GRB2: variants seen among roughly 807,000 people sequenced by gnomAD.
GRB2 encodes growth factor receptor bound protein 2.
GRB2 carries 2 observed loss-of-function variants against 27.4 expected under a neutral mutation model. That is an observed-to-expected ratio of 0.07 (90% CI 0.03 to 0.23). GRB2 has a LOEUF of 0.23. Ranked by LOEUF, GRB2 falls within the 10% of genes least tolerant of loss-of-function variation. The pLI is 1.00. For missense variants in GRB2, 102 were observed against 282.4 expected (o/e 0.36, Z 4.58); for synonymous variants, 94 against 99.6 (o/e 0.94, Z 0.33).
intron 2 of GRB2, among the ~76,000 whole-genome samples, chr17:75,366,097 A>G (rs2078817340): frequency 6.6e-6 from 1 of 152,170 alleles, no homozygotes; most frequent in Non-Finnish European, 1.5e-5. Flanking sequence ...AGAACAGTTA[A>G]ATATTTATTT....
intron 2 of GRB2, among the ~76,000 whole-genome samples, chr17:75,384,007 ATCTG>A (rs2078946652): frequency 6.6e-6 from 1 of 152,176 alleles, no homozygotes; most frequent in Non-Finnish European, 1.5e-5. Flanking sequence ...GCAATGCCCG[ATCTG>A]TCTGTGACAG....
At chr17:75,356,250 T>C (rs1224565430) in intron 2 of GRB2, among the ~76,000 whole-genome samples, 1 of 152,138 alleles carries the variant, frequency 6.6e-6, no homozygotes, top group African/African-American at 2.4e-5. Flanking sequence ...GGTACAGTGG[T>C]TCATGCCTGT....
At chr17:75,395,841 T>G (rs955679929) in intron 1 of GRB2, among the ~76,000 whole-genome samples, 4 of 2,560 alleles carry the variant, frequency 1.6e-3, no homozygotes, top group African/African-American at 2.0e-3. Flanking sequence ...ACTTTTTGTG[T>G]TTTTTTTTTT....
chr17:75,344,426 T>C, intron 2 of GRB2: 1 of 151,862 alleles, frequency 6.6e-6, no homozygotes, highest in Non-Finnish European at 1.5e-5. Flanking sequence ...GAGTCTTGCT[T>C]TTGTTGCCCA....
chr17:75,326,324 C>A, intron 3 of GRB2: 1 of 353,834 alleles, frequency 2.8e-6, no homozygotes, highest in Non-Finnish European at 5.3e-6. Flanking sequence ...GGACTCCCTA[C>A]TGACTCATGA....
chr17:75,320,486 C>A lies in GRB2; in HGVS notation c.536G>T (p.Arg179Leu), dbSNP rs749010443. Residue 179 changes from arginine to leucine, a missense_variant, in exon 6 of 6, where the codon CGG becomes CTG. By Grantham distance (102) the Arg-to-Leu change is moderately radical. Transcript: ENST00000316804. The surrounding 1 kb of genome is among the most constrained non-coding windows in gnomAD (Gnocchi z 4.3). Reference protein sequence around the residue: ...PQEDGELGFRRGDFIHVMDNS... With the variant: ...PQEDGELGFRLGDFIHVMDNS... ...ATCCATGACATGGATAAAATCTCCC[C>A]GGCGGAAGCCCAGCTCTCCATCCTC... is the stretch of plus-strand genomic sequence containing the variant. 1 of 1,613,864 alleles carries A rather than the reference C, an allele frequency of 6.2e-7. No individual in the cohort carries two copies.
chr17:75,382,337 C>T (rs1442226569), intron 2 of GRB2, among the ~76,000 whole-genome samples: 4 of 151,834 alleles, frequency 2.6e-5, no homozygotes, highest in Admixed American at 6.6e-5. Context: ...ACTGTTAAAA[C>T]GAAGAAAAAA....
intron 5 of GRB2, 63 bp downstream of exon 5, chr17:75,321,596 G>A: frequency 6.7e-7 from 1 of 1,498,144 alleles, no homozygotes; most frequent in Non-Finnish European, 9.2e-7. Context: ...TTTCCTACAG[G>A]AATGCACACT....
rs571507278 is a variant in GRB2 at position 75,348,171 on chromosome 17, A to G, written c.79-15374T>C. On this transcript the variant is annotated intron_variant, in intron 2 of 5. Coordinates refer to ENST00000316804, the MANE Select transcript of GRB2 (RefSeq NM_002086.5). ...TCCTCCCGTCTCAGATCTTCCCACA[A>G]ATAGCTCGGACTACAGATGCCAGCC... 6.6e-4 allele frequency among the ~76,000 whole-genome samples: 101 copies of G among 152,172 alleles called. 3 individuals are homozygous for G. The South Asian group carries it at 0.021, about 32-fold the overall frequency.
intron 2 of GRB2, chr17:75,371,081 G>T: frequency 1.3e-5 from 2 of 152,516 alleles, no homozygotes; most frequent in South Asian, 4.0e-4. Flanking sequence ...AGGCCAAGGT[G>T]GGAGGACTGC....
intron 2 of GRB2, among the ~76,000 whole-genome samples, chr17:75,387,328 G>A (rs992912934): frequency 2.6e-5 from 4 of 151,990 alleles, no homozygotes; most frequent in African/African-American, 7.2e-5. Context: ...GTGGTAGCAC[G>A]TGCCTGTAGT....
chr17:75,381,027 C>A (rs1341939105), intron 2 of GRB2, among the ~76,000 whole-genome samples: 1 of 152,116 alleles, frequency 6.6e-6, no homozygotes, highest in Non-Finnish European at 1.5e-5. Flanking sequence ...GCCATTCAGA[C>A]AATAGGACAA....
At chr17:75,362,098 A>G (rs1053514059) in intron 2 of GRB2, among the ~76,000 whole-genome samples, 5 of 110,996 alleles carry the variant, frequency 4.5e-5, no homozygotes, top group African/African-American at 1.5e-4. Flanking sequence ...TCAGCTAGTG[A>G]CACCATTCAT....
At chr17:75,392,366 C>G (rs952592673) in intron 2 of GRB2, among the ~76,000 whole-genome samples, 3 of 152,184 alleles carry the variant, frequency 2.0e-5, no homozygotes, top group Non-Finnish European at 4.4e-5. Flanking sequence ...TCTGCAGCAT[C>G]ATCTTCTATG....
intron 3 of GRB2, among the ~76,000 whole-genome samples, chr17:75,331,520 TAAG>T (rs1257430920): frequency 6.6e-6 from 1 of 152,176 alleles, no homozygotes; most frequent in Non-Finnish European, 1.5e-5. Context: ...GCATGTCATA[TAAG>T]AAGTGTAGTA....
chr17:75,338,677 T>C lies in GRB2; in HGVS notation c.79-5880A>G, dbSNP rs576452186. 2.8e-4 allele frequency: 102 copies of C among 367,042 alleles called. 1 individual carries two copies. Among genetic ancestry groups the C allele is most frequent in the African/African-American group, 2.0e-3 (92 of 46,810 alleles). 22.7% of individuals were successfully genotyped at this position (367,042 alleles called of 1,614,324 possible). A position where few individuals can be genotyped will look rare whatever the true frequency, so the allele number is the denominator to read the frequency against. On this transcript the variant is annotated intron_variant, in intron 2 of 5. Transcript: ENST00000316804. Reference sequence around the variant, plus strand: ...ACAAGTTTCAGTGAAGACAGTTCTTTTTGTTTTTTGGTTTTTTTTTGCAAA... The same window carrying C: ...ACAAGTTTCAGTGAAGACAGTTCTTCTTGTTTTTTGGTTTTTTTTTGCAAA...
chr17:75,370,504 A>AT (rs1254977443), intron 2 of GRB2, among the ~76,000 whole-genome samples: 1 of 152,232 alleles, frequency 6.6e-6, no homozygotes. Flanking sequence ...TGTGTTGCTA[A>AT]TAAGAGGTCA....
chr17:75,345,327 A>G (rs2078648306), intron 2 of GRB2, among the ~76,000 whole-genome samples: 1 of 152,098 alleles, frequency 6.6e-6, no homozygotes, highest in African/African-American at 2.4e-5. Context: ...TACAGGCGTG[A>G]ACCACCGCAC....
At chr17:75,345,696 C>A (rs2078650418) in intron 2 of GRB2, among the ~76,000 whole-genome samples, 1 of 151,856 alleles carries the variant, frequency 6.6e-6, no homozygotes, top group Non-Finnish European at 1.5e-5. Context: ...CAAGTCCCTA[C>A]CCCCACCCCC....
Sources: gnomAD v4.1 joint callset for allele counts (sites outside exome capture counted in the v4.1 genomes callset) on GRCh38, gnomAD v4.1.1 for gene constraint, Gnocchi (gnomAD v3.1) non-coding constraint, MANE v1.5 for transcripts, NCBI Gene and HGNC (gene_info 2026-07-23, HGNC 2026-07-21) for gene names.